The following ADGRB3 variants were observed in gnomAD, a reference collection of about 807,000 sequenced individuals.
The protein encoded by ADGRB3 is brain-specific angiogenesis inhibitor 3.
In ADGRB3, 37 loss-of-function variants were observed where a neutral mutation model predicts 193.4. That is an observed-to-expected ratio of 0.19 (90% CI 0.15 to 0.25). ADGRB3 has a LOEUF of 0.25. Ranked by LOEUF, ADGRB3 falls within the 10% of genes least tolerant of loss-of-function variation. ADGRB3 has a pLI of 1.00. For missense variants in ADGRB3, 1,637 were observed against 1,852.9 expected (o/e 0.88, Z 2.14); for synonymous variants, 690 against 644.2 (o/e 1.07, Z -1.08).
chr6:68,955,377 T>A (rs1355037593), intron 6 of ADGRB3, among the ~76,000 whole-genome samples: 1 of 152,230 alleles, frequency 6.6e-6, no homozygotes, highest in Non-Finnish European at 1.5e-5. Flanking sequence ...AAATATGAGC[T>A]CGATAAGGTC....
intron 20 of ADGRB3, among the ~76,000 whole-genome samples, chr6:69,292,946 C>G (rs1205167313): frequency 6.7e-6 from 1 of 149,444 alleles, no homozygotes; most frequent in Non-Finnish European, 1.5e-5. Context: ...TCTTTCTATG[C>G]TTAGAGCAGC....
intron 3 of ADGRB3, among the ~76,000 whole-genome samples, chr6:68,808,279 A>G (rs1767445733): frequency 6.6e-6 from 1 of 152,106 alleles, no homozygotes. Flanking sequence ...TGTTTTGGTA[A>G]TATCATCCAC....
intron 20 of ADGRB3, among the ~76,000 whole-genome samples, chr6:69,315,517 A>G (rs940659483): frequency 1.3e-5 from 2 of 151,496 alleles, no homozygotes; most frequent in Non-Finnish European, 3.0e-5. Flanking sequence ...ATCTTATTTC[A>G]TCTTCATAAT....
intron 30 of ADGRB3, among the ~76,000 whole-genome samples, chr6:69,376,073 T>C (rs1323043198): frequency 6.7e-6 from 1 of 149,304 alleles, no homozygotes; most frequent in Admixed American, 6.7e-5. Context: ...TCCATGAAAA[T>C]TATGTAGCCT....
chr6:68,897,758 G>GT (rs1562076703), intron 3 of ADGRB3, among the ~76,000 whole-genome samples: 1 of 1,670 alleles, frequency 6.0e-4, no homozygotes. Context: ...AGGGAGGGAG[G>GT]AAAAGGGAGG....
At chr6:68,766,979 A>G (rs566115121) in intron 3 of ADGRB3, among the ~76,000 whole-genome samples, 1 of 152,204 alleles carries the variant, frequency 6.6e-6, no homozygotes, top group South Asian at 2.1e-4. Flanking sequence ...GGAATTGCAT[A>G]TACATTTTGA....
At chr6:68,961,652 GTAA>G (rs1768237431) in intron 8 of ADGRB3, among the ~76,000 whole-genome samples, 6 of 152,050 alleles carry the variant, frequency 3.9e-5, no homozygotes, top group Non-Finnish European at 8.8e-5. Context: ...AAGACTGAAT[GTAA>G]TCATTATTAG....
chr6:69,146,821 C>CTTTTTTTTTTTTTTTTT (rs756561473), intron 17 of ADGRB3, among the ~76,000 whole-genome samples: 21 of 103,212 alleles, frequency 2.0e-4, no homozygotes, highest in East Asian at 3.3e-4. Context: ...CTCATTACTT[C>CTTTTTTTTTTTTTTTTT]TTTTTTTTTT....
intron 26 of ADGRB3, among the ~76,000 whole-genome samples, chr6:69,351,846 G>T (rs977584928): frequency 6.6e-6 from 1 of 152,110 alleles, no homozygotes; most frequent in South Asian, 2.1e-4. Flanking sequence ...TGCTTTGAAG[G>T]TCTGAAAATT....
intron 3 of ADGRB3, among the ~76,000 whole-genome samples, chr6:68,862,491 C>A (rs546454395): frequency 1.1e-4 from 17 of 152,180 alleles, no homozygotes; most frequent in Non-Finnish European, 1.5e-5. Context: ...TACTCTCCTG[C>A]AATCTTCATA....
At chr6:68,779,194 T>G (rs73745865) in intron 3 of ADGRB3, among the ~76,000 whole-genome samples, 3,969 of 151,422 alleles carry the variant, frequency 0.026, 78 homozygotes, top group African/African-American at 0.051. Context: ...CAACATTAAG[T>G]CTCCAGACAT....
chr6:69,382,060 G>T (rs1769958918), intron 30 of ADGRB3, among the ~76,000 whole-genome samples: 1 of 151,774 alleles, frequency 6.6e-6, no homozygotes, highest in South Asian at 2.1e-4. Context: ...CTTACCCCAA[G>T]GCCATTTTTA....
intron 26 of ADGRB3, among the ~76,000 whole-genome samples, chr6:69,351,340 G>T (rs757342624): frequency 2.6e-5 from 4 of 150,948 alleles, no homozygotes; most frequent in Non-Finnish European, 5.9e-5. Context: ...TGTTCCGCCC[G>T]CCTTGCCTCC....
intron 17 of ADGRB3, among the ~76,000 whole-genome samples, chr6:69,115,077 C>T (rs543634614): frequency 6.6e-6 from 1 of 152,264 alleles, no homozygotes; most frequent in African/African-American, 2.4e-5. Context: ...CCATTTGACC[C>T]AGCAATCCCA....
chr6:68,990,166 T>C (rs1372119861), intron 10 of ADGRB3, among the ~76,000 whole-genome samples: 4 of 151,988 alleles, frequency 2.6e-5, no homozygotes, highest in Non-Finnish European at 1.5e-5. Context: ...CAGATAAACC[T>C]GGACATGTCA....
intron 3 of ADGRB3, among the ~76,000 whole-genome samples, chr6:68,865,161 C>T (rs1421834582): frequency 6.6e-6 from 1 of 152,094 alleles, no homozygotes; most frequent in East Asian, 1.9e-4. Context: ...GTTTCACCCC[C>T]AGTTTATGAG....
At chr6:69,007,356 G>A (rs1322834042) in intron 11 of ADGRB3, among the ~76,000 whole-genome samples, 1 of 152,114 alleles carries the variant, frequency 6.6e-6, no homozygotes, top group Non-Finnish European at 1.5e-5. Flanking sequence ...TACAACTCAT[G>A]TAATAGAACC....
chr6:69,068,835 T>C (rs188599533), intron 16 of ADGRB3, among the ~76,000 whole-genome samples: 37 of 152,302 alleles, frequency 2.4e-4, no homozygotes, highest in Admixed American at 8.5e-4. Flanking sequence ...TTTCTGTGAA[T>C]AGCTATGTAA....
At chr6:68,905,807 A>G (rs984395379) in intron 3 of ADGRB3, among the ~76,000 whole-genome samples, 2 of 152,132 alleles carry the variant, frequency 1.3e-5, no homozygotes, top group African/African-American at 4.8e-5. Context: ...CTATTGTCCC[A>G]GTTTTCTCTC....
Sources: gnomAD v4.1 joint callset for allele counts (sites outside exome capture counted in the v4.1 genomes callset) on GRCh38, gnomAD v4.1.1 for gene constraint, MANE v1.5 for transcripts, NCBI Gene and HGNC (gene_info 2026-07-23, HGNC 2026-07-21) for gene names.